PPP6R2: variants seen among roughly 807,000 people sequenced by gnomAD.
The protein encoded by PPP6R2 is protein phosphatase 6 regulatory subunit 2, also known as serine/threonine-protein phosphatase 6 regulatory subunit 2.
A neutral mutation model predicts 100.2 loss-of-function variants in PPP6R2; 62 were observed. The observed-to-expected ratio is 0.62, with a 90% CI of 0.50 to 0.76. The LOEUF (loss-of-function observed/expected upper bound fraction) is 0.76, where lower values mean the gene tolerates loss of function less well. PPP6R2 is among the 30% of genes least tolerant of loss of function. The pLI, the probability that PPP6R2 is intolerant of heterozygous loss-of-function variation, is 0.00. For missense variants in PPP6R2, 1,142 were observed against 1,276.3 expected, an observed-to-expected ratio of 0.89 and a Z score of 1.60; for synonymous variants, 525 against 514.7, an observed-to-expected ratio of 1.02 and a Z score of -0.27.
chr22:50,357,894 G>A (rs1414962475), intron 1 of PPP6R2, among the ~76,000 whole-genome samples: 3 of 151,844 alleles, frequency 2.0e-5, no homozygotes, highest in African/African-American at 7.3e-5. Context: ...AAAGTGCCGG[G>A]ATTACAGGTG....
intron 3 of PPP6R2, among the ~76,000 whole-genome samples, chr22:50,394,654 C>A (rs557118814): frequency 6.7e-6 from 1 of 149,018 alleles, no homozygotes; most frequent in Non-Finnish European, 1.5e-5. Context: ...TGTCTGTAAT[C>A]CCAGCACTTT....
intron 2 of PPP6R2, among the ~76,000 whole-genome samples, chr22:50,378,032 CAAAT>C (rs1213961155): frequency 3.3e-5 from 5 of 152,152 alleles, no homozygotes; most frequent in Admixed American, 6.5e-5. Flanking sequence ...TTTGAGAAGA[CAAAT>C]GAATGGTAAG....
intron 1 of PPP6R2, among the ~76,000 whole-genome samples, chr22:50,357,670 C>T (rs1347829864): frequency 6.6e-6 from 1 of 151,652 alleles, no homozygotes; most frequent in African/African-American, 2.4e-5. Flanking sequence ...CACTGTCACC[C>T]AGGTTGGAGT....
intron 8 of PPP6R2, among the ~76,000 whole-genome samples, chr22:50,419,888 ACACT>A (rs1197759319): frequency 2.6e-5 from 4 of 152,204 alleles, no homozygotes; most frequent in African/African-American, 9.7e-5. Context: ...CAGGGGTGTG[ACACT>A]CACCGCTGTC....
intron 1 of PPP6R2, among the ~76,000 whole-genome samples, chr22:50,370,363 C>G (rs1371851474): frequency 2.0e-5 from 3 of 152,162 alleles, no homozygotes; most frequent in Non-Finnish European, 4.4e-5. Flanking sequence ...TCTCGGCTCA[C>G]TGCAACCTCT....
intron 13 of PPP6R2, among the ~76,000 whole-genome samples, chr22:50,435,413 G>A (rs756366774): frequency 1.8e-4 from 28 of 152,372 alleles, no homozygotes; most frequent in Non-Finnish European, 3.4e-4. Context: ...AGCTCAGGGA[G>A]CCCTGCCTGG....
upstream of PPP6R2, among the ~76,000 whole-genome samples, chr22:50,340,187 GGTGT>G (rs1198834829): frequency 5.7e-5 from 8 of 139,156 alleles, no homozygotes; most frequent in Non-Finnish European, 3.1e-5. Flanking sequence ...GTGTGTATGT[GGTGT>G]GTGTGTGGTA....
upstream of PPP6R2, among the ~76,000 whole-genome samples, chr22:50,341,209 TC>T (rs2042365464): frequency 6.7e-6 from 1 of 149,652 alleles, no homozygotes; most frequent in Non-Finnish European, 1.5e-5. Context: ...ACCGCGCCTG[TC>T]CCTTTATTTT....
intron 17 of PPP6R2, 120 bp downstream of exon 17, chr22:50,438,020 C>T: frequency 2.0e-6 from 3 of 1,497,988 alleles, no homozygotes; most frequent in Non-Finnish European, 2.7e-6. Context: ...CTCTGTGGAG[C>T]TCGGAACAGT....
intron 2 of PPP6R2, among the ~76,000 whole-genome samples, chr22:50,389,362 C>T (rs981073472): frequency 6.6e-6 from 1 of 152,152 alleles, no homozygotes; most frequent in African/African-American, 2.4e-5. Flanking sequence ...CAGGAAGATG[C>T]TAGCATCTGT....
intron 1 of PPP6R2, among the ~76,000 whole-genome samples, chr22:50,368,999 G>T (rs938564408): frequency 6.6e-6 from 1 of 152,164 alleles, no homozygotes; most frequent in Non-Finnish European, 1.5e-5. Context: ...AGCACTTTGG[G>T]AGGCCGAGGT....
chr22:50,433,192 G>A (rs1225296289), intron 12 of PPP6R2, among the ~76,000 whole-genome samples: 19 of 151,602 alleles, frequency 1.3e-4, no homozygotes, highest in Admixed American at 7.9e-4. Context: ...GGCAGGGGCC[G>A]GGCATTTGCT....
intron 21 of PPP6R2, among the ~76,000 whole-genome samples, chr22:50,440,549 G>A (rs550339521): frequency 4.7e-4 from 71 of 152,328 alleles, no homozygotes; most frequent in African/African-American, 8.4e-4. Context: ...CACACGAGGC[G>A]GAGTGGGCCC....
At chr22:50,358,333 A>G (rs545429286) in intron 1 of PPP6R2, among the ~76,000 whole-genome samples, 5 of 152,308 alleles carry the variant, frequency 3.3e-5, no homozygotes, top group Admixed American at 2.0e-4. Context: ...TAATTTGGAT[A>G]TAGTAAAAAT....
chr22:50,396,257 G>A (rs899408077), intron 3 of PPP6R2, among the ~76,000 whole-genome samples: 9 of 149,146 alleles, frequency 6.0e-5, no homozygotes, highest in African/African-American at 2.0e-4. Flanking sequence ...AACACTTTGG[G>A]AGGCCAAGGC....
At chr22:50,379,119 G>T (rs547366636) in intron 2 of PPP6R2, among the ~76,000 whole-genome samples, 2 of 152,226 alleles carry the variant, frequency 1.3e-5, no homozygotes, top group African/African-American at 2.4e-5. Flanking sequence ...ATAATTTTCT[G>T]TTGTTTATAA....
the PPP6R2 span, among the ~76,000 whole-genome samples, chr22:50,336,469 G>A: frequency 2.6e-5 from 4 of 151,952 alleles, no homozygotes; most frequent in Admixed American, 6.6e-5. Context: ...CTCCACTCGC[G>A]GGTTCAAGTG....
chr22:50,406,956 C>T (rs770259187), intron 4 of PPP6R2, 81 bp downstream of exon 4: 138 of 1,394,936 alleles, frequency 9.9e-5, no homozygotes, highest in Non-Finnish European at 1.3e-4. Flanking sequence ...CCTGGCGGTG[C>T]GACTCATCCT....
At chr22:50,354,868 C>CTTT (rs762678639) in intron 1 of PPP6R2, among the ~76,000 whole-genome samples, 3,601 of 126,276 alleles carry the variant, frequency 0.029, 107 homozygotes, top group Admixed American at 0.041. Flanking sequence ...CTGGATCAGC[C>CTTT]TTTTTTTTTT....
Sources: gnomAD v4.1 joint callset for allele counts (sites outside exome capture counted in the v4.1 genomes callset) on GRCh38, gnomAD v4.1.1 for gene constraint, MANE v1.5 for transcripts, NCBI Gene and HGNC (gene_info 2026-07-23, HGNC 2026-07-21) for gene names.